Variants in PCYT1A observed in about 807,000 individuals in gnomAD.
The protein encoded by PCYT1A is phosphate cytidylyltransferase 1A, choline, also known as choline-phosphate cytidylyltransferase A.
Under a neutral mutation model 43.7 loss-of-function variants are expected in PCYT1A, and 25 were observed. The ratio of observed to expected loss-of-function variants is 0.57; its 90% CI spans 0.42 to 0.80. PCYT1A has a LOEUF of 0.80. PCYT1A is among the 30% of genes least tolerant of loss of function. PCYT1A has a pLI of 0.00. For synonymous variants in PCYT1A, 172 were observed against 170.7 expected (o/e 1.01, Z -0.06); for missense variants, 421 against 474.2 (o/e 0.89, Z 1.04).
intron 2 of PCYT1A, among the ~76,000 whole-genome samples, chr3:196,263,790 G>A (rs1485823934): frequency 6.6e-6 from 1 of 151,940 alleles, no homozygotes; most frequent in African/African-American, 2.4e-5. Context: ...CCACCACCAC[G>A]CCCGGCTAAT....
rs1051309612 is a variant in PCYT1A, at chr3:196,262,992, G to A, written c.118-5105C>T. Among the ~76,000 whole-genome samples, 6 of 151,806 alleles carry A rather than the reference G, an allele frequency of 4.0e-5. No homozygotes were observed. In the South Asian group the frequency reaches 8.3e-4, roughly 21 times the overall value. ...TTAGTTTTAGTAGAGACAGGGTTTC[G>A]CGATGTTGGCCAGGCTGGTTTTGAA... On this transcript the variant is annotated intron_variant, in intron 2 of 8. Transcript: ENST00000431016.
chr3:196,243,796 G>A (rs1038020147), intron 5 of PCYT1A, among the ~76,000 whole-genome samples: 4 of 152,258 alleles, frequency 2.6e-5, no homozygotes, highest in South Asian at 2.1e-4. Context: ...TCGGCCTCCC[G>A]AGGTGCCGGG....
At position 196,273,741 on chromosome 3, in the gene PCYT1A, C is replaced by G. The variant is rs1725506957; in HGVS notation, c.-10-3200G>C. Among the ~76,000 whole-genome samples, 1 of 152,190 alleles carries G rather than the reference C, an allele frequency of 6.6e-6. No homozygotes were observed. Among genetic ancestry groups the G allele is most frequent in the Non-Finnish European group, 1.5e-5 (1 of 68,024 alleles). ...GGCTTCAGCGGGCAGGAAGTGCATGCTGATTGGTCCATGGGCAGCCACAGG... is the reference window on the plus strand; with the variant it reads ...GGCTTCAGCGGGCAGGAAGTGCATGGTGATTGGTCCATGGGCAGCCACAGG... On this transcript the variant is annotated intron_variant, in intron 1 of 8. Transcript: ENST00000431016. The surrounding 1 kb of genome is among the most constrained non-coding windows in gnomAD (Gnocchi z 4.1).
chr3:196,280,570 G>GTTTTTTTTTTTTTTTTTTTTTTTATTT, intron 1 of PCYT1A, among the ~76,000 whole-genome samples: 2 of 91,344 alleles, frequency 2.2e-5, no homozygotes, highest in Non-Finnish European at 4.2e-5. Context: ...TATTTTTATT[G>GTTTTTTTTTTTTTTTTTTTTTTTATTT]TTTTTTTTTT....
Position 196,241,131 on chromosome 3 carries a change from T to TAAAAA in PCYT1A, c.708+812_708+816dup, listed in dbSNP as rs1209954920. ...AAACATGGCAAAACCCCATCTCTGC[T>TAAAAA]AAAAAAAAAAAAAAAAAAAAAAAAA... On this transcript the variant is annotated intron_variant, in intron 7 of 8. Transcript: ENST00000431016. Among the ~76,000 whole-genome samples, 31 of 49,702 alleles carry TAAAAA rather than the reference T, an allele frequency of 6.2e-4. 1 individual carries two copies. Among genetic ancestry groups the TAAAAA allele is most frequent in the African/African-American group, 1.4e-3 (17 of 11,814 alleles). 32.6% of individuals were successfully genotyped at this position (49,702 alleles called of 152,430 possible).
intron 5 of PCYT1A, among the ~76,000 whole-genome samples, chr3:196,246,360 C>T (rs568453168): frequency 6.6e-6 from 1 of 152,008 alleles, no homozygotes; most frequent in Non-Finnish European, 1.5e-5. Flanking sequence ...CTAATCAATC[C>T]TTCTCATCTT....
chr3:196,285,390 C>G (rs142510259), intron 1 of PCYT1A, among the ~76,000 whole-genome samples: 1 of 151,934 alleles, frequency 6.6e-6, no homozygotes, highest in Admixed American at 6.6e-5. Context: ...AACCAGGAGG[C>G]GGAGGTTGCA....
At chr3:196,270,652 A>T in intron 1 of PCYT1A, 111 bp from the exon 2 acceptor site, 1 of 780,716 alleles carries the variant, frequency 1.3e-6, no homozygotes, top group South Asian at 1.4e-5. Context: ...CCAATTCTAC[A>T]GCTGCACTTC....
At chr3:196,253,336 C>A (rs867665137) in intron 3 of PCYT1A, among the ~76,000 whole-genome samples, 133 of 105,896 alleles carry the variant, frequency 1.3e-3, no homozygotes, top group East Asian at 7.7e-3. Context: ...GACTCTGTCT[C>A]AAAAAAAAAA....
In PCYT1A at chr3:196,234,665, C is replaced by T. The variant is rs546815593; in HGVS notation, c.*4023G>A. ...GGCCCACTTCAAACCTCCAGGAACACAACCCAAGTCATCCCAGTGTTAAAC... is the reference window on the plus strand; with the variant it reads ...GGCCCACTTCAAACCTCCAGGAACATAACCCAAGTCATCCCAGTGTTAAAC... On this transcript the variant is annotated 3_prime_UTR_variant, in exon 9 of 9. Transcript: ENST00000431016. The T allele has an allele frequency of 1.3e-4, 20 of 152,364 alleles. No individual in the cohort carries two copies. The highest frequency in any genetic ancestry group is 4.6e-4 in the African/African-American group (19 of 41,586). 9.4% of individuals were successfully genotyped at this position (152,364 alleles called of 1,614,324 possible).
chr3:196,240,745 G>A (rs1052908284), intron 7 of PCYT1A: 3 of 151,914 alleles, frequency 2.0e-5, no homozygotes. Flanking sequence ...AGAGAAAAGG[G>A]ATTATGTTTA....
intron 2 of PCYT1A, among the ~76,000 whole-genome samples, chr3:196,266,334 T>G (rs58945504): frequency 0.37 from 55,356 of 150,938 alleles, 10,806 homozygotes; most frequent in East Asian, 0.81. Context: ...TTAGCCAGGC[T>G]TGGTGGCGGG....
At position 196,236,583 on chromosome 3, in the gene PCYT1A, C is replaced by T. The variant is rs1489746549; in HGVS notation, c.*2105G>A. The T allele has an allele frequency of 3.3e-5, 5 of 152,168 alleles. No individual in the cohort carries two copies. The highest frequency in any genetic ancestry group is 5.9e-5 in the Non-Finnish European group (4 of 68,040). The allele number at this position is 152,168 out of a possible 1,614,324, so 9.4% of individuals were successfully genotyped here. A position where few individuals can be genotyped will look rare whatever the true frequency, so the allele number is the denominator to read the frequency against. On this transcript the variant is annotated 3_prime_UTR_variant, in exon 9 of 9. Coordinates refer to ENST00000431016, the MANE Select transcript of PCYT1A (RefSeq NM_001312673.2). ...GATAACAAGAGGCTTCATTCTCCCTCGCCTCTGTGACGCTCTTTCTGGGTG... is the reference window on the plus strand; with the variant it reads ...GATAACAAGAGGCTTCATTCTCCCTTGCCTCTGTGACGCTCTTTCTGGGTG...
chr3:196,267,447 G>A, intron 2 of PCYT1A: 1 of 412,962 alleles, frequency 2.4e-6, no homozygotes, highest in Non-Finnish European at 4.9e-6. Context: ...CAGGCATGGT[G>A]GCTCACACCT....
intron 3 of PCYT1A, among the ~76,000 whole-genome samples, chr3:196,256,315 C>T (rs189638422): frequency 2.4e-3 from 369 of 152,172 alleles, no homozygotes; most frequent in African/African-American, 8.5e-3. Flanking sequence ...CATGGTGAAA[C>T]CCCGTCTCTA....
intron 7 of PCYT1A, 114 bp downstream of exon 7, chr3:196,241,834 A>T (rs1393837651): frequency 7.6e-7 from 1 of 1,314,688 alleles, no homozygotes; most frequent in South Asian, 1.2e-5. Context: ...TCATTCACTG[A>T]ACTTTTGGGA....
Position 196,247,463 on chromosome 3 carries a change from A to G in PCYT1A, c.390T>C (p.Asn130=), listed in dbSNP as rs1020573148. ...AGTGCTGGACTGCGTCATAGCGCTC[A>G]TTCTCGTTCATCACCGTGAAGCCTT... is the stretch of plus-strand genomic sequence containing the variant. ...NFKGFTVMNE[N]ERYDAVQHCR... Residue 130 remains asparagine, a synonymous_variant, in exon 5 of 9, where the codon AAT becomes AAC. Transcript: ENST00000431016. This position sits in a 1 kb window ranked among gnomAD's most constrained non-coding sequence, Gnocchi z 4.8. 5.0e-6 allele frequency: 8 copies of G among 1,614,182 alleles called. No individual in the cohort carries two copies. The highest frequency in any genetic ancestry group is 6.8e-6 in the Non-Finnish European group (8 of 1,179,994).
chr3:196,265,311 C>T (rs1386790811), intron 2 of PCYT1A, among the ~76,000 whole-genome samples: 1 of 152,046 alleles, frequency 6.6e-6, no homozygotes, highest in African/African-American at 2.4e-5. Flanking sequence ...CGTGATCTGC[C>T]CTTCTCGGCC....
Position 196,234,763 on chromosome 3 carries a change from A to C in PCYT1A, c.*3925T>G, listed in dbSNP as rs769080225. The C allele has an allele frequency of 6.6e-6, 1 of 152,240 alleles. No homozygotes were observed. Among genetic ancestry groups the C allele is most frequent in the African/African-American group, 2.4e-5 (1 of 41,464 alleles). The allele number at this position is 152,240 out of a possible 1,614,324, so 9.4% of individuals were successfully genotyped here. ...TGGCAGACAACAATCTTTCTTCTTCAAGAAAATTAACATTTAATGGTATAA... is the reference window on the plus strand; with the variant it reads ...TGGCAGACAACAATCTTTCTTCTTCCAGAAAATTAACATTTAATGGTATAA... On this transcript the variant is annotated 3_prime_UTR_variant, in exon 9 of 9. Coordinates refer to ENST00000431016, the MANE Select transcript of PCYT1A (RefSeq NM_001312673.2).
Sources: allele counts gnomAD v4.1 joint callset (sites outside exome capture counted in the v4.1 genomes callset), GRCh38; gene constraint gnomAD v4.1.1; non-coding constraint Gnocchi (gnomAD v3.1); transcripts MANE v1.5; gene names NCBI Gene and HGNC (gene_info 2026-07-23, HGNC 2026-07-21).